Variants in PTPRD observed in about 807,000 individuals in gnomAD.
PTPRD encodes the protein protein tyrosine phosphatase receptor type D.
PTPRD carries 34 observed loss-of-function variants against 214.5 expected under a neutral mutation model. The ratio of observed to expected loss-of-function variants is 0.16; its 90% CI spans 0.12 to 0.21. The LOEUF is 0.21. Ranked by LOEUF, PTPRD falls within the 10% of genes least tolerant of loss-of-function variation. The pLI, the probability that PTPRD is intolerant of heterozygous loss-of-function variation, is 1.00. For synonymous variants in PTPRD, 1,128 were observed against 845.7 expected (o/e 1.33, Z -5.79); for missense variants, 2,545 against 2,398.7 (o/e 1.06, Z -1.27).
chr9:9,043,172 T>C (rs1032784387), intron 10 of PTPRD, among the ~76,000 whole-genome samples: 14 of 152,182 alleles, frequency 9.2e-5, no homozygotes, highest in African/African-American at 3.1e-4. Flanking sequence ...AAATTTTACA[T>C]ACTTCTGTAT....
chr9:10,116,079 A>G (rs2098728674), intron 3 of PTPRD, among the ~76,000 whole-genome samples: 1 of 152,114 alleles, frequency 6.6e-6, no homozygotes, highest in Admixed American at 6.6e-5. Flanking sequence ...TTATAATTAT[A>G]TCAGGCTTAA....
At chr9:9,295,857 C>G (rs1952822362) in intron 9 of PTPRD, among the ~76,000 whole-genome samples, 1 of 151,856 alleles carries the variant, frequency 6.6e-6, no homozygotes, top group Admixed American at 6.6e-5. Context: ...ACGCCTCTCT[C>G]TATGCCCAGA....
intron 11 of PTPRD, among the ~76,000 whole-genome samples, chr9:8,802,237 C>G (rs2096586419): frequency 6.6e-6 from 1 of 152,160 alleles, no homozygotes; most frequent in Non-Finnish European, 1.5e-5. Flanking sequence ...GTTATAGATG[C>G]ATCCATTAAA....
intron 2 of PTPRD, among the ~76,000 whole-genome samples, chr9:10,355,066 CATT>C (rs2097252178): frequency 6.6e-6 from 1 of 152,086 alleles, no homozygotes; most frequent in Non-Finnish European, 1.5e-5. Flanking sequence ...AATTGTAAAT[CATT>C]ATATATTTCT....
intron 39 of PTPRD, among the ~76,000 whole-genome samples, chr9:8,366,862 T>C (rs1287395049): frequency 6.6e-6 from 1 of 152,190 alleles, no homozygotes; most frequent in Admixed American, 6.5e-5. Context: ...CCAAAGAGCA[T>C]GGCCCTTAAA....
chr9:8,430,921 T>C (rs2095003727), intron 35 of PTPRD, among the ~76,000 whole-genome samples: 1 of 152,200 alleles, frequency 6.6e-6, no homozygotes, highest in African/African-American at 2.4e-5. Flanking sequence ...TCTCGTTTGA[T>C]TGTATATACT....
intron 11 of PTPRD, among the ~76,000 whole-genome samples, chr9:8,928,809 C>G (rs2098923302): frequency 6.6e-6 from 1 of 152,100 alleles, no homozygotes; most frequent in Non-Finnish European, 1.5e-5. Flanking sequence ...GATATTGATT[C>G]TTCCTATCCA....
intron 7 of PTPRD, among the ~76,000 whole-genome samples, chr9:9,717,789 C>T (rs1002398863): frequency 8.5e-5 from 13 of 152,266 alleles, no homozygotes; most frequent in African/African-American, 3.1e-4. Context: ...TTTTTGATTT[C>T]TCAGACCCTC....
chr9:9,828,562 T>A (rs2053766036), intron 5 of PTPRD, among the ~76,000 whole-genome samples: 1 of 151,992 alleles, frequency 6.6e-6, no homozygotes, highest in Non-Finnish European at 1.5e-5. Context: ...AATGACAACT[T>A]AATGGGTGAA....
At chr9:8,501,779 C>T (rs940630746) in intron 23 of PTPRD, among the ~76,000 whole-genome samples, 9 of 152,144 alleles carry the variant, frequency 5.9e-5, no homozygotes, top group African/African-American at 2.2e-4. Context: ...AGGGTAATGT[C>T]AGGATTGTTG....
chr9:8,652,370 C>G (rs1232339666), intron 12 of PTPRD, among the ~76,000 whole-genome samples: 3 of 152,110 alleles, frequency 2.0e-5, no homozygotes, highest in Non-Finnish European at 4.4e-5. Flanking sequence ...GAAGGAAAAT[C>G]AACCAATAAT....
intron 9 of PTPRD, among the ~76,000 whole-genome samples, chr9:9,209,674 G>C (rs2099947266): frequency 6.6e-6 from 1 of 152,132 alleles, no homozygotes; most frequent in African/African-American, 2.4e-5. Flanking sequence ...TTCATGAGTT[G>C]ATTATTGTTG....
chr9:9,315,833 C>CTTTTTTTTTT (rs566821610), intron 9 of PTPRD, among the ~76,000 whole-genome samples: 22 of 93,316 alleles, frequency 2.4e-4, no homozygotes, highest in Non-Finnish European at 3.4e-4. Flanking sequence ...TAGCAGACAA[C>CTTTTTTTTTT]TTTTTTTTTT....
chr9:10,533,594 T>C (rs1364882066), intron 2 of PTPRD, among the ~76,000 whole-genome samples: 1 of 151,898 alleles, frequency 6.6e-6, no homozygotes, highest in Non-Finnish European at 1.5e-5. Flanking sequence ...CACACACTTA[T>C]AAATAATAAT....
intron 4 of PTPRD, among the ~76,000 whole-genome samples, chr9:10,016,100 A>G (rs2096706360): frequency 6.6e-6 from 1 of 152,152 alleles, no homozygotes; most frequent in East Asian, 1.9e-4. Flanking sequence ...TCTCAATTAA[A>G]TCATATGTGG....
intron 9 of PTPRD, among the ~76,000 whole-genome samples, chr9:9,391,781 G>A (rs980701487): frequency 6.6e-6 from 1 of 152,130 alleles, no homozygotes; most frequent in Non-Finnish European, 1.5e-5. Flanking sequence ...TCATAATAGA[G>A]GGAAATGCCA....
chr9:9,497,991 T>C (rs976011840), intron 8 of PTPRD, among the ~76,000 whole-genome samples: 1 of 152,148 alleles, frequency 6.6e-6, no homozygotes, highest in Non-Finnish European at 1.5e-5. Context: ...TTCTATAAGA[T>C]GAGTAATGTA....
At chr9:9,805,313 T>G (rs2099066097) in intron 5 of PTPRD, among the ~76,000 whole-genome samples, 1 of 152,158 alleles carries the variant, frequency 6.6e-6, no homozygotes, top group Admixed American at 6.6e-5. Flanking sequence ...ATGATTTCAT[T>G]ATTAGCATCA....
chr9:9,131,415 T>C (rs2099842411), intron 10 of PTPRD, among the ~76,000 whole-genome samples: 1 of 152,162 alleles, frequency 6.6e-6, no homozygotes, highest in Non-Finnish European at 1.5e-5. Context: ...CTAACAGATA[T>C]GTCAGAAATA....
Sources: allele counts gnomAD v4.1 joint callset (sites outside exome capture counted in the v4.1 genomes callset), GRCh38; gene constraint gnomAD v4.1.1; transcripts MANE v1.5; gene names NCBI Gene and HGNC (gene_info 2026-07-23, HGNC 2026-07-21).